The following RAD51D variants were observed in gnomAD, a reference collection of about 807,000 sequenced individuals.
RAD51D encodes the protein DNA repair protein RAD51 homolog 4.
RAD51D carries 38 observed loss-of-function variants against 44.1 expected under a neutral mutation model. The observed-to-expected ratio is 0.86, with a 90% CI of 0.67 to 1.13. The LOEUF (loss-of-function observed/expected upper bound fraction) is 1.13, where lower values mean the gene tolerates loss of function less well. Among genes scored for constraint, RAD51D ranks in the 50% most tolerant of loss-of-function variants. The probability of loss-of-function intolerance (pLI) is 0.00; values close to 1 mark genes in which losing one functional copy is unlikely to be tolerated. For missense variants in RAD51D, 390 were observed against 414.0 expected (o/e 0.94, Z 0.50); for synonymous variants, 141 against 166.6 (o/e 0.85, Z 1.18).
chr17:35,119,532 C>T lies in RAD51D; in HGVS notation c.82G>A (p.Val28Met), dbSNP rs2142480064. 6.2e-7 allele frequency: 1 copy of T among 1,611,808 alleles called. No homozygotes were observed. Among genetic ancestry groups the T allele is most frequent in the Non-Finnish European group, 8.5e-7 (1 of 1,179,924 alleles). ...QLLRSHRIKTVVDLVSADLEE... is the reference protein window; with the variant it reads ...QLLRSHRIKTMVDLVSADLEE... ...CCCTGGCACGCGCACACCCGGTCAC[C>T]TGTCTTGATCCTGTGGCTCCTGAGA... The change falls in exon 1 of 10, where the codon GTG becomes ATG. Residue 28 changes from valine (V) to methionine (M), a missense_variant and splice_region_variant. Val to Met is a conservative substitution (Grantham distance 21, BLOSUM62 1). Transcript: ENST00000345365.
In RAD51D at chr17:35,098,203, AGAACTGTATG is replaced by A. The variant is rs1274584024; in HGVS notation, c.*2740_*2749del. ...CTGGAGTTACAGCCCTAGCAGGAAT[AGAACTGTATG>A]GACTGAAAATTAAATAAAATGTGGG... On this transcript the variant is annotated 3_prime_UTR_variant, in exon 10 of 10. Coordinates refer to ENST00000345365, the MANE Select transcript of RAD51D (RefSeq NM_002878.4). 1 of 152,198 alleles carries A rather than the reference AGAACTGTATG, an allele frequency of 6.6e-6. No individual in the cohort carries two copies. The highest frequency in any genetic ancestry group is 1.9e-4 in the East Asian group (1 of 5,200). 9.4% of individuals were successfully genotyped at this position (152,198 alleles called of 1,614,324 possible).
intron 6 of RAD51D, 37 bp downstream of exon 6, chr17:35,106,349 C>G (rs1695600577): frequency 6.4e-7 from 1 of 1,569,722 alleles, no homozygotes; most frequent in Non-Finnish European, 8.8e-7. Context: ...ACCTAGAAAG[C>G]TGAATTAAGC....
At chr17:35,106,541 T>C in intron 5 of RAD51D, 60 bp from the exon 6 acceptor site, 1 of 1,326,038 alleles carries the variant, frequency 7.5e-7, no homozygotes, top group Non-Finnish European at 1.1e-6. Flanking sequence ...GGGGTCAAGG[T>C]AAGGCTGAGA....
chr17:35,100,237 C>T lies in RAD51D; in HGVS notation c.*716G>A. ...ATTATATCCCTGGAACTGCAGCGAG[C>T]CCACACGTTCTCACCTAGTCATGGT... On this transcript the variant is annotated 3_prime_UTR_variant, in exon 10 of 10. Transcript: ENST00000345365. 1.9e-6 allele frequency: 1 copy of T among 532,880 alleles called. No individual in the cohort carries two copies. The highest frequency in any genetic ancestry group is 1.5e-5 in the South Asian group (1 of 65,162). 33.0% of individuals were successfully genotyped at this position (532,880 alleles called of 1,614,324 possible).
chr17:35,119,621 G>T lies in RAD51D; in HGVS notation c.-8C>A. ...GACCCTGAGCACGCCCATGTTCCCCGCAGGCCGGAACAGCCCCAGGGGGAC... is the reference window on the plus strand; with the variant it reads ...GACCCTGAGCACGCCCATGTTCCCCTCAGGCCGGAACAGCCCCAGGGGGAC... On this transcript the variant is annotated 5_prime_UTR_variant, in exon 1 of 10. Transcript: ENST00000345365. The T allele has an allele frequency of 6.2e-7, 1 of 1,610,000 alleles. No individual in the cohort carries two copies.
At position 35,099,648 on chromosome 17, in the gene RAD51D, C is replaced by G. The variant is rs1160408876; in HGVS notation, c.*1305G>C. On this transcript the variant is annotated 3_prime_UTR_variant, in exon 10 of 10. Transcript: ENST00000345365. ...GATTCTATCCCTGTTGCATTCATCA[C>G]CTCTAAATGTCATTACTTTCTGAGT... 2 of 378,344 alleles carry G rather than the reference C, an allele frequency of 5.3e-6. No individual in the cohort carries two copies. The highest frequency in any genetic ancestry group is 7.4e-5 in the Admixed American group (2 of 27,026). The allele number at this position is 378,344 out of a possible 1,614,324, so 23.4% of individuals were successfully genotyped here.
At chr17:35,116,897 A>G in intron 3 of RAD51D, 1 of 1,596,516 alleles carries the variant, frequency 6.3e-7, no homozygotes, top group Non-Finnish European at 8.5e-7. Flanking sequence ...CATCGAAAGC[A>G]TTCAGCGAAA....
rs374512855 is a variant in RAD51D, at chr17:35,101,371, G to A, written c.739-6C>T. 1 of 1,613,140 alleles carries A rather than the reference G, an allele frequency of 6.2e-7. No individual in the cohort carries two copies. Among genetic ancestry groups the A allele is most frequent in the African/African-American group, 1.3e-5 (1 of 75,034 alleles). ...CGAGTTATGTGGTTGGTCACCTGCA[G>A]CAGAAACAGACTTACAGATCCATAA... On this transcript the variant is annotated splice_polypyrimidine_tract_variant and splice_region_variant and intron_variant, in intron 8 of 9. Transcript: ENST00000345365.
intron 8 of RAD51D, among the ~76,000 whole-genome samples, chr17:35,102,572 T>C (rs1457790643): frequency 1.3e-5 from 2 of 151,164 alleles, no homozygotes; most frequent in African/African-American, 2.4e-5. Context: ...CGAGCTGCAG[T>C]GAGCTGTGAT....
At chr17:35,104,111 T>C (rs1018304872) in intron 6 of RAD51D, among the ~76,000 whole-genome samples, 5 of 152,034 alleles carry the variant, frequency 3.3e-5, no homozygotes, top group Admixed American at 6.6e-5. Flanking sequence ...AAAAACTACA[T>C]TAAAGTCATC....
intron 3 of RAD51D, among the ~76,000 whole-genome samples, chr17:35,107,845 C>T (rs1462894351): frequency 6.8e-6 from 1 of 148,066 alleles, no homozygotes; most frequent in Non-Finnish European, 1.5e-5. Context: ...ACCTCCACCT[C>T]CCAGGCTCAA....
intron 3 of RAD51D, among the ~76,000 whole-genome samples, chr17:35,110,632 C>CA: frequency 6.6e-6 from 1 of 152,260 alleles, no homozygotes; most frequent in East Asian, 1.9e-4. Context: ...CTATGATGTC[C>CA]AATAGCTCCA....
At chr17:35,118,862 C>G (rs1350567960) in intron 2 of RAD51D, among the ~76,000 whole-genome samples, 1 of 152,246 alleles carries the variant, frequency 6.6e-6, no homozygotes. Flanking sequence ...CCTTCCTCAG[C>G]CTCCCGAGTA....
Position 35,103,430 on chromosome 17 carries a change from C to T in RAD51D, c.667+24G>A, listed in dbSNP as rs371610084. The T allele has an allele frequency of 4.8e-5, 77 of 1,612,976 alleles. No individual in the cohort carries two copies. Among genetic ancestry groups the T allele is most frequent in the Non-Finnish European group, 5.9e-5 (70 of 1,179,086 alleles). On this transcript the variant is annotated intron_variant, in intron 7 of 9. Coordinates refer to ENST00000345365, the MANE Select transcript of RAD51D (RefSeq NM_002878.4). The surrounding 1 kb of genome is among the most constrained non-coding windows in gnomAD (Gnocchi z 4.1). The stretch of plus-strand genomic sequence containing the variant: ...GGAGGCGAGGTCACATTCCACTGGC[C>T]CCAGGCTCTGCCACATCACTCACCT...
chr17:35,099,022 T>G lies in RAD51D; in HGVS notation c.*1931A>C, dbSNP rs1311400663. The G allele has an allele frequency of 6.6e-6, 1 of 152,022 alleles. No individual in the cohort carries two copies. Among genetic ancestry groups the G allele is most frequent in the Admixed American group, 6.6e-5 (1 of 15,242 alleles). 9.4% of individuals were successfully genotyped at this position (152,022 alleles called of 1,614,324 possible). On this transcript the variant is annotated 3_prime_UTR_variant, in exon 10 of 10. Transcript: ENST00000345365. The stretch of plus-strand genomic sequence containing the variant: ...CAATGCCTAGCTAATTTAAAAAATT[T>G]TTTTGTAGAAACGATGTCTCATCAT...
chr17:35,106,266 T>C (rs1468607004), intron 6 of RAD51D, 120 bp downstream of exon 6: 2 of 830,328 alleles, frequency 2.4e-6, no homozygotes, highest in Non-Finnish European at 2.1e-6. Flanking sequence ...GTAGCAAGCA[T>C]AGTTGGAGTC....
intron 3 of RAD51D, chr17:35,116,812 A>G (rs978731165): frequency 1.3e-5 from 18 of 1,392,436 alleles, no homozygotes; most frequent in Admixed American, 2.0e-5. Flanking sequence ...TGATTTAAAC[A>G]GTAACATGCT....
In RAD51D at chr17:35,100,796, C is replaced by T. The variant is rs1215074439; in HGVS notation, c.*157G>A. The T allele has an allele frequency of 8.3e-6, 6 of 721,024 alleles. No homozygotes were observed. Among genetic ancestry groups the T allele is most frequent in the South Asian group, 5.9e-5 (4 of 67,728 alleles). 44.7% of individuals were successfully genotyped at this position (721,024 alleles called of 1,614,324 possible). On this transcript the variant is annotated 3_prime_UTR_variant, in exon 10 of 10. Transcript: ENST00000345365. ...CTTTCGCCTGTGGTTTATATGCTTA[C>T]AGAGAGTGAGGCCAAGGAACCCAAG...
intron 3 of RAD51D, among the ~76,000 whole-genome samples, chr17:35,108,684 G>A (rs1275251950): frequency 6.6e-6 from 1 of 151,838 alleles, no homozygotes; most frequent in African/African-American, 2.4e-5. Context: ...CTATAATCAA[G>A]ATACAGAACA....
Sources: gnomAD v4.1 joint callset for allele counts (sites outside exome capture counted in the v4.1 genomes callset) on GRCh38, gnomAD v4.1.1 for gene constraint, Gnocchi (gnomAD v3.1) non-coding constraint, MANE v1.5 for transcripts, NCBI Gene and HGNC (gene_info 2026-07-23, HGNC 2026-07-21) for gene names.